Variants in FAM229B observed in about 807,000 individuals in gnomAD.
The protein encoded by FAM229B is protein FAM229B.
FAM229B carries 2 observed loss-of-function variants against 6.7 expected under a neutral mutation model. The ratio of observed to expected loss-of-function variants is 0.30; its 90% CI spans 0.12 to 0.94. The LOEUF (loss-of-function observed/expected upper bound fraction) is 0.94. Ranked by LOEUF, FAM229B falls within the 40% of genes least tolerant of loss-of-function variation. The pLI, the probability that FAM229B is intolerant of heterozygous loss-of-function variation, is 0.54. For missense variants in FAM229B, 93 were observed against 96.2 expected (o/e 0.97, Z 0.14); for synonymous variants, 29 against 34.0 (o/e 0.85, Z 0.51).
In FAM229B at chr6:112,100,802, T is replaced by C; in HGVS notation, c.*15T>C. ...ATCCTAAATAGCACCATTAAGTCTT[T>C]TGTCAAGGTCTGACTAGGTCAAGGG... On this transcript the variant is annotated 3_prime_UTR_variant, in exon 4 of 4. Transcript: ENST00000368656. 2 of 1,589,948 alleles carry C rather than the reference T, an allele frequency of 1.3e-6. No individual in the cohort carries two copies. Among genetic ancestry groups the C allele is most frequent in the South Asian group, 1.1e-5 (1 of 90,520 alleles).
Position 112,100,845 on chromosome 6 carries a change from C to A in FAM229B, c.*58C>A. 1.7e-6 allele frequency: 2 copies of A among 1,205,528 alleles called. No homozygotes were observed. The highest frequency in any genetic ancestry group is 2.5e-6 in the Non-Finnish European group (2 of 816,160). The allele number at this position is 1,205,528 out of a possible 1,614,324, so 74.7% of individuals were successfully genotyped here. On this transcript the variant is annotated 3_prime_UTR_variant, in exon 4 of 4. Transcript: ENST00000368656. ...GTCAAGGGTAATGGACCAGTATCAT[C>A]TGGTGATCTGGTAAACAAATAAAAG... is the stretch of plus-strand genomic sequence containing the variant.
At chr6:112,096,616 G>C (rs1368996482) in intron 1 of FAM229B, among the ~76,000 whole-genome samples, 1 of 152,070 alleles carries the variant, frequency 6.6e-6, no homozygotes, top group African/African-American at 2.4e-5. Flanking sequence ...CCAGCCATTT[G>C]GGAATTTGAA....
chr6:112,098,802 G>A (rs1777358097), intron 2 of FAM229B, among the ~76,000 whole-genome samples: 2 of 152,140 alleles, frequency 1.3e-5, no homozygotes, highest in African/African-American at 2.4e-5. Context: ...GTTTTCACAC[G>A]GCAGAAATGG....
At position 112,100,876 on chromosome 6, in the gene FAM229B, G is replaced by A. The variant is rs1456124824; in HGVS notation, c.*89G>A. On this transcript the variant is annotated 3_prime_UTR_variant, in exon 4 of 4. Coordinates refer to ENST00000368656, the MANE Select transcript of FAM229B (RefSeq NM_001033564.3). ...ATCTGGTAAACAAATAAAAGTGGTG[G>A]CACCTTTAGATGATGACAACAGTTG... The A allele has an allele frequency of 1.7e-5, 16 of 967,484 alleles. No homozygotes were observed. The highest frequency in any genetic ancestry group is 2.6e-5 in the Non-Finnish European group (16 of 610,954). 59.9% of individuals were successfully genotyped at this position (967,484 alleles called of 1,614,324 possible). A position where few individuals can be genotyped will look rare whatever the true frequency, so the allele number is the denominator to read the frequency against.
Position 112,099,390 on chromosome 6 carries a change from A to G in FAM229B, c.107A>G (p.Lys36Arg). 6.2e-7 allele frequency: 1 copy of G among 1,613,588 alleles called. No homozygotes were observed. Among genetic ancestry groups the G allele is most frequent in the Non-Finnish European group, 8.5e-7 (1 of 1,179,724 alleles). ...GLSSSAACNG[K>R]EMSPTRQLRR... is the part of the protein sequence containing the mutation. ...AGCTCCAGTGCTGCCTGTAATGGGA[A>G]GGAGATGTCACCAACCAGGTAAAGT... is the stretch of plus-strand genomic sequence containing the variant. The change falls in exon 3 of 4, where the codon AAG (lysine) becomes AGG (arginine). Residue 36 changes from lysine (K) to arginine (R), a missense_variant. By Grantham distance (26) the Lys-to-Arg change is conservative. Coordinates refer to ENST00000368656, the MANE Select transcript of FAM229B (RefSeq NM_001033564.3).
chr6:112,100,571 A>T, intron 3 of FAM229B, 99 bp from the exon 4 acceptor site: 1 of 762,918 alleles, frequency 1.3e-6, no homozygotes, highest in Admixed American at 2.2e-5. Context: ...TTTCAAAGTG[A>T]TTTAAAACAG....
intron 1 of FAM229B, among the ~76,000 whole-genome samples, chr6:112,089,311 G>T (rs1323088569): frequency 6.6e-6 from 1 of 151,816 alleles, no homozygotes; most frequent in African/African-American, 2.4e-5. Flanking sequence ...GGGAGGGAAG[G>T]GGGAGAGGAA....
intron 1 of FAM229B, among the ~76,000 whole-genome samples, chr6:112,090,924 A>G (rs1252108482): frequency 6.6e-6 from 1 of 152,192 alleles, no homozygotes; most frequent in Non-Finnish European, 1.5e-5. Context: ...ACTAGTCACC[A>G]TGCTATGTAA....
chr6:112,098,646 G>A (rs1157725894), intron 2 of FAM229B, among the ~76,000 whole-genome samples: 5 of 152,168 alleles, frequency 3.3e-5, no homozygotes, highest in African/African-American at 1.2e-4. Flanking sequence ...AGAAGCAGTG[G>A]GGAAATGAAT....
At chr6:112,096,428 T>C (rs996377800) in intron 1 of FAM229B, among the ~76,000 whole-genome samples, 4 of 151,624 alleles carry the variant, frequency 2.6e-5, no homozygotes, top group Non-Finnish European at 5.9e-5. Context: ...TGGTGGCGGG[T>C]GCCTGTAGTC....
rs1562611089 is a variant in FAM229B, at chr6:112,097,520, TACATTGTGTACTAATAGCTGAAA to T, written c.-15+360_-15+382del. Among the ~76,000 whole-genome samples the T allele has an allele frequency of 1.3e-3, 205 of 152,040 alleles. 1 individual carries two copies. Among genetic ancestry groups the T allele is most frequent in the African/African-American group, 3.7e-3 (153 of 41,502 alleles). Reference sequence around the variant, plus strand: ...AATACATTGTATACTAATAGTTGAATACATTGTGTACTAATAGCTGAAAACATTGTGTACTAATAGCTGAAAAC... The same window carrying T: ...AATACATTGTATACTAATAGTTGAATACATTGTGTACTAATAGCTGAAAAC... On this transcript the variant is annotated intron_variant, in intron 2 of 3. Coordinates refer to ENST00000368656, the MANE Select transcript of FAM229B (RefSeq NM_001033564.3).
Position 112,100,755 on chromosome 6 carries a change from G to T in FAM229B, c.211G>T (p.Ala71Ser). 1 of 1,613,842 alleles carries T rather than the reference G, an allele frequency of 6.2e-7. No individual in the cohort carries two copies. Among genetic ancestry groups the T allele is most frequent in the Non-Finnish European group, 8.5e-7 (1 of 1,179,784 alleles). The change falls in exon 4 of 4, where the codon GCA becomes TCA. Residue 71 changes from alanine to serine, a missense_variant. By Grantham distance (99) the Ala-to-Ser change is moderately conservative. Coordinates refer to ENST00000368656, the MANE Select transcript of FAM229B (RefSeq NM_001033564.3). ...TTATGCAACAACGAGAAAGCCACCT[G>T]CACAAAGCAGCAAGGAAATGCATCC... ...TVYATTRKPP[A>S]QSSKEMHPK
At chr6:112,100,586 A>T (rs1289762797) in intron 3 of FAM229B, 84 bp from the exon 4 acceptor site, 13 of 854,330 alleles carry the variant, frequency 1.5e-5, no homozygotes, top group Non-Finnish European at 2.5e-5. Flanking sequence ...AAACAGTTAA[A>T]TATACAATCA....
intron 1 of FAM229B, among the ~76,000 whole-genome samples, chr6:112,092,546 A>C (rs1401183609): frequency 6.6e-6 from 1 of 152,094 alleles, no homozygotes; most frequent in Non-Finnish European, 1.5e-5. Context: ...CTGTTAAATG[A>C]AACATTCAGG....
At chr6:112,097,947 C>T (rs1777348483) in intron 2 of FAM229B, among the ~76,000 whole-genome samples, 1 of 152,186 alleles carries the variant, frequency 6.6e-6, no homozygotes. Context: ...GCCTCTCTCT[C>T]CCACCAGGGG....
At chr6:112,096,021 A>G (rs1192914507) in intron 1 of FAM229B, among the ~76,000 whole-genome samples, 3 of 152,236 alleles carry the variant, frequency 2.0e-5, no homozygotes, top group Admixed American at 2.0e-4. Flanking sequence ...ACAGTGGTAA[A>G]AATGCTCACT....
chr6:112,097,814 T>C (rs1777346641), intron 2 of FAM229B, among the ~76,000 whole-genome samples: 1 of 152,238 alleles, frequency 6.6e-6, no homozygotes, highest in Admixed American at 6.5e-5. Context: ...AAATGTCCAC[T>C]GTGTGACAAG....
intron 1 of FAM229B, among the ~76,000 whole-genome samples, chr6:112,094,239 A>T (rs1777293722): frequency 6.6e-6 from 1 of 152,196 alleles, no homozygotes; most frequent in Admixed American, 6.5e-5. Context: ...TAAATAGAAA[A>T]TAGAGAAAAA....
At chr6:112,090,187 A>G (rs913157314) in intron 1 of FAM229B, among the ~76,000 whole-genome samples, 1 of 149,238 alleles carries the variant, frequency 6.7e-6, no homozygotes, top group African/African-American at 2.5e-5. Flanking sequence ...TCATTAAAAT[A>G]TAATTCAGAG....
Sources: allele counts gnomAD v4.1 joint callset (sites outside exome capture counted in the v4.1 genomes callset), GRCh38; gene constraint gnomAD v4.1.1; transcripts MANE v1.5; gene names NCBI Gene and HGNC (gene_info 2026-07-23, HGNC 2026-07-21).